Variants in AMOTL1 observed in about 807,000 individuals in gnomAD.
AMOTL1 encodes the protein angiomotin-like protein 1.
In AMOTL1, 45 loss-of-function variants were observed where a neutral mutation model predicts 102.9. That is an observed-to-expected ratio of 0.44 (90% confidence interval 0.34 to 0.56). AMOTL1 has a LOEUF of 0.56. Among genes scored for constraint, AMOTL1 ranks in the 20% least tolerant of loss-of-function variants. AMOTL1 has a pLI of 0.01. For synonymous variants in AMOTL1, 481 were observed against 484.7 expected, an observed-to-expected ratio of 0.99 and a Z score of 0.10; for missense variants, 1,114 against 1,225.6, an observed-to-expected ratio of 0.91 and a Z score of 1.36.
rs138059614 is a variant in AMOTL1, at chr11:94,848,530, C to T, written c.1649-1584C>T. On this transcript the variant is annotated intron_variant, in intron 6 of 12. Transcript: ENST00000433060. ...GCCCTCTGATCCCATCGACATAATT[C>T]GACAATGCAAGGGTTGTGCAGTCAA... is the stretch of plus-strand genomic sequence containing the variant. 7.2e-5 allele frequency among the ~76,000 whole-genome samples: 11 copies of T among 152,226 alleles called. No homozygotes were observed. In the East Asian group the frequency reaches 7.7e-4, roughly 11 times the overall value.
intron 1 of AMOTL1, among the ~76,000 whole-genome samples, chr11:94,779,583 C>T (rs1274200283): frequency 6.6e-6 from 1 of 152,024 alleles, no homozygotes. Flanking sequence ...CACTTGAAAG[C>T]CCTATTTTCG....
At chr11:94,793,554 C>T (rs1037615757) in intron 1 of AMOTL1, among the ~76,000 whole-genome samples, 18 of 152,106 alleles carry the variant, frequency 1.2e-4, no homozygotes, top group Admixed American at 8.5e-4. Flanking sequence ...TTTCATTTTC[C>T]ACTGTTTTCC....
chr11:94,747,499 T>C (rs904221499), intron 3 of AMOTL1, among the ~76,000 whole-genome samples: 9 of 152,200 alleles, frequency 5.9e-5, no homozygotes, highest in African/African-American at 2.2e-4. Context: ...CTGGGTCTTA[T>C]TAGGACAAAT....
intron 6 of AMOTL1, among the ~76,000 whole-genome samples, chr11:94,838,449 G>A (rs1952227536): frequency 6.6e-6 from 1 of 152,194 alleles, no homozygotes; most frequent in South Asian, 2.1e-4. Context: ...GGCTTTGAGA[G>A]CCACAGCTAC....
At chr11:94,757,930 C>T (rs1326369008) in intron 3 of AMOTL1, among the ~76,000 whole-genome samples, 2 of 152,064 alleles carry the variant, frequency 1.3e-5, no homozygotes, top group Non-Finnish European at 2.9e-5. Flanking sequence ...AGCATGGTGG[C>T]GCATGCCTGC....
At chr11:94,838,053 G>T (rs1952219500) in intron 6 of AMOTL1, among the ~76,000 whole-genome samples, 1 of 152,214 alleles carries the variant, frequency 6.6e-6, no homozygotes, top group South Asian at 2.1e-4. Flanking sequence ...TTAGGGAAGA[G>T]TTCCTGAGAT....
chr11:94,715,964 T>C (rs1950089669), intron 1 of AMOTL1, among the ~76,000 whole-genome samples: 1 of 152,148 alleles, frequency 6.6e-6, no homozygotes, highest in African/African-American at 2.4e-5. Flanking sequence ...CACAGTATAT[T>C]TCTTCTCTCT....
chr11:94,747,922 C>T (rs1404412833), intron 3 of AMOTL1, among the ~76,000 whole-genome samples: 3 of 152,170 alleles, frequency 2.0e-5, no homozygotes, highest in Non-Finnish European at 4.4e-5. Context: ...AGGGTAAGAA[C>T]TAGTCTTACA....
chr11:94,712,979 C>T (rs1214663609), intron 1 of AMOTL1, among the ~76,000 whole-genome samples: 1 of 151,752 alleles, frequency 6.6e-6, no homozygotes, highest in South Asian at 2.1e-4. Context: ...ACATTTAGGT[C>T]TTTAATCTAT....
Position 94,758,073 on chromosome 11 carries a change from A to G in AMOTL1, c.136+17085A>G, listed in dbSNP as rs191125214. ...TGAGACTCCATCTCAAAAAAACAAA[A>G]AAGGCAAGAGTTCTGCAAAAACAGA... is the stretch of plus-strand genomic sequence containing the variant. On this transcript the variant is annotated intron_variant, in intron 3 of 4. Coordinates refer to the AMOTL1 transcript ENST00000299004. Among the ~76,000 whole-genome samples, 621 of 152,318 alleles carry G rather than the reference A, an allele frequency of 4.1e-3. 13 individuals carry two copies. The highest frequency in any genetic ancestry group is 0.035 in the South Asian group (169 of 4,830).
chr11:94,869,238 C>G lies in AMOTL1; in HGVS notation c.2529C>G (p.Ala843=). 6.2e-7 allele frequency: 1 copy of G among 1,612,080 alleles called. No homozygotes were observed. The highest frequency in any genetic ancestry group is 1.7e-5 in the Admixed American group (1 of 59,978). The change falls in exon 12 of 13, where the codon GCC becomes GCG. Residue 843 remains alanine (A), a synonymous_variant. Coordinates refer to ENST00000433060, the MANE Select transcript of AMOTL1 (RefSeq NM_130847.3). ...AGGAGCACCATGAGCATGCCTCTGC[C>G]CCACTGCTGCCACCCCCACCCACCT... ...LGKEHHEHAS[A]PLLPPPPTSA... is the part of the protein sequence containing the mutation.
chr11:94,854,224 T>C, intron 8 of AMOTL1, 142 bp downstream of exon 8: 1 of 1,116,760 alleles, frequency 9.0e-7, no homozygotes, highest in Non-Finnish European at 1.2e-6. Flanking sequence ...AGTGAACCCA[T>C]ACAACAACCA....
At position 94,871,798 on chromosome 11, in the gene AMOTL1, C is replaced by T. The variant is rs1170233371; in HGVS notation, c.*1003C>T. The T allele has an allele frequency of 6.6e-6, 1 of 152,150 alleles. No homozygotes were observed. Among genetic ancestry groups the T allele is most frequent in the Non-Finnish European group, 1.5e-5 (1 of 68,044 alleles). 9.4% of individuals were successfully genotyped at this position (152,150 alleles called of 1,614,324 possible). A position where few individuals can be genotyped will look rare whatever the true frequency, so the allele number is the denominator to read the frequency against. On this transcript the variant is annotated 3_prime_UTR_variant, in exon 13 of 13. Coordinates refer to ENST00000433060, the MANE Select transcript of AMOTL1 (RefSeq NM_130847.3). ...CTTTTTTGTCTTTCACATCGGCTGT[C>T]TTGCAAGGAGCTTGACATTTCCAAA...
At chr11:94,778,390 A>T (rs899836430) in intron 1 of AMOTL1, among the ~76,000 whole-genome samples, 2 of 152,184 alleles carry the variant, frequency 1.3e-5, no homozygotes, top group Non-Finnish European at 1.5e-5. Flanking sequence ...TTCAGTAATT[A>T]TCTATGGAGC....
chr11:94,862,518 T>C (rs2135733138), intron 9 of AMOTL1, among the ~76,000 whole-genome samples: 1 of 152,356 alleles, frequency 6.6e-6, no homozygotes, highest in East Asian at 1.9e-4. Flanking sequence ...TTCCCATCTT[T>C]ATGCATCTTG....
At chr11:94,823,465 G>A (rs1184640113) in intron 4 of AMOTL1, among the ~76,000 whole-genome samples, 1 of 152,108 alleles carries the variant, frequency 6.6e-6, no homozygotes, top group Non-Finnish European at 1.5e-5. Context: ...GCTTGCCTCT[G>A]TCATTTTTGG....
At position 94,821,665 on chromosome 11, in the gene AMOTL1, G is replaced by T; in HGVS notation, c.1257G>T (p.Gln419His). The T allele has an allele frequency of 6.2e-7, 1 of 1,613,924 alleles. No homozygotes were observed. The stretch of plus-strand genomic sequence containing the variant: ...TCCCGATGGCCCTGGGTGCTCCACA[G>T]CCCCCGCCTGCCGCCTCCCCCAGCC... ...LPLPMALGAP[Q>H]PPPAASPSQQ... Residue 419 changes from glutamine to histidine, a missense_variant, in exon 4 of 13, where the codon CAG (glutamine) becomes CAT (histidine). Physicochemically the swap from Gln to His is conservative, Grantham distance 24. Transcript: ENST00000433060.
chr11:94,825,842 A>G lies in AMOTL1; in HGVS notation c.1413+4021A>G, dbSNP rs139649302. Among the ~76,000 whole-genome samples the G allele has an allele frequency of 4.2e-3, 633 of 152,352 alleles. 12 individuals are homozygous for G. The highest frequency in any genetic ancestry group is 0.035 in the South Asian group (169 of 4,830). ...AAATTCTTAAAATGAGTCTACTTCA[A>G]CTTCCCATTCCTTAGTAATCCTTGT... On this transcript the variant is annotated intron_variant, in intron 4 of 12. Coordinates refer to ENST00000433060, the MANE Select transcript of AMOTL1 (RefSeq NM_130847.3).
At position 94,864,705 on chromosome 11, in the gene AMOTL1, A is replaced by G. The variant is rs544811774; in HGVS notation, c.2136-30A>G. Reference sequence around the variant, plus strand: ...TTGAGACAAAGCAAGAAGGTTTCCTATGATCAAACGCATATCCTTGTGTTG... The same window carrying G: ...TTGAGACAAAGCAAGAAGGTTTCCTGTGATCAAACGCATATCCTTGTGTTG... On this transcript the variant is annotated intron_variant, in intron 9 of 12. Coordinates refer to ENST00000433060, the MANE Select transcript of AMOTL1 (RefSeq NM_130847.3). The G allele has an allele frequency of 5.5e-5, 89 of 1,605,524 alleles. 1 individual carries two copies. The South Asian group carries it at 8.2e-4, about 15-fold the overall frequency.
Sources: gnomAD v4.1 joint callset for allele counts (sites outside exome capture counted in the v4.1 genomes callset) on GRCh38, gnomAD v4.1.1 for gene constraint, MANE v1.5 for transcripts, NCBI Gene and HGNC (gene_info 2026-07-23, HGNC 2026-07-21) for gene names.